MEIKIN: variants seen among roughly 807,000 people sequenced by gnomAD.
The protein encoded by MEIKIN is meiotic kinetochore factor.
rs564938283 is a variant in MEIKIN, at chr5:131,941,189, G to A, written c.349+1446C>T. 1.1e-4 allele frequency among the ~76,000 whole-genome samples: 11 copies of A among 103,360 alleles called. No individual in the cohort carries two copies. In the South Asian group the frequency reaches 2.0e-3, roughly 18 times the overall value. 67.8% of individuals were successfully genotyped at this position (103,360 alleles called of 152,430 possible). On this transcript the variant is annotated intron_variant, in intron 4 of 12. Transcript: ENST00000442687. ...TTTTTTTTTTTTGTGACGAAGTCTC[G>A]CTGTTGTCCCCCAGGCTGGAGTGTA...
At chr5:131,884,183 G>C (rs1000414707) in intron 8 of MEIKIN, among the ~76,000 whole-genome samples, 3 of 152,110 alleles carry the variant, frequency 2.0e-5, no homozygotes, top group Admixed American at 6.5e-5. Context: ...CGGGGAGCGG[G>C]GATGTGACCT....
At chr5:131,814,158 G>T (rs1245768837) in intron 12 of MEIKIN, among the ~76,000 whole-genome samples, 1 of 151,916 alleles carries the variant, frequency 6.6e-6, no homozygotes, top group Non-Finnish European at 1.5e-5. Flanking sequence ...AATCTCCTTT[G>T]GCAATACCCT....
chr5:131,856,698 T>C (rs1369713794), intron 9 of MEIKIN, among the ~76,000 whole-genome samples: 1 of 152,160 alleles, frequency 6.6e-6, no homozygotes, highest in Non-Finnish European at 1.5e-5. Context: ...TTTGACATAA[T>C]TGTCAACTAT....
intron 9 of MEIKIN, among the ~76,000 whole-genome samples, chr5:131,878,669 A>G (rs1580886438): frequency 6.6e-6 from 1 of 152,220 alleles, no homozygotes; most frequent in East Asian, 1.9e-4. Context: ...CATGAGTTTG[A>G]GATGAGCCTG....
At chr5:131,892,202 G>C (rs1750935877) in intron 8 of MEIKIN, among the ~76,000 whole-genome samples, 1 of 152,126 alleles carries the variant, frequency 6.6e-6, no homozygotes, top group South Asian at 2.1e-4. Flanking sequence ...TCTTGGATTT[G>C]CTCTTCTCGA....
chr5:131,885,366 AGAGAGAGAGAGAGAGAGAG>A lies in MEIKIN; in HGVS notation c.704-6337_704-6319del, dbSNP rs1750769955. Among the ~76,000 whole-genome samples, 370 of 69,062 alleles carry A rather than the reference AGAGAGAGAGAGAGAGAGAG, an allele frequency of 5.4e-3. 22 individuals carry two copies. Among genetic ancestry groups the A allele is most frequent in the African/African-American group, 0.013 (290 of 21,924 alleles). 45.3% of individuals were successfully genotyped at this position (69,062 alleles called of 152,430 possible). A position where few individuals can be genotyped will look rare whatever the true frequency, so the allele number is the denominator to read the frequency against. On this transcript the variant is annotated intron_variant, in intron 8 of 12. Coordinates refer to ENST00000442687, the MANE Select transcript of MEIKIN (RefSeq NM_001303622.2). ...AAGAGAGAGAGAGAGAGAGAGAGAG[AGAGAGAGAGAGAGAGAGAG>A]AGAGAGAGAGAGAGAGAGAGAGAGA...
chr5:131,891,407 T>C (rs1257518392), intron 8 of MEIKIN, among the ~76,000 whole-genome samples: 1 of 152,222 alleles, frequency 6.6e-6, no homozygotes, highest in Non-Finnish European at 1.5e-5. Context: ...GCTCCTGTAT[T>C]GGATGCATAT....
intron 11 of MEIKIN, among the ~76,000 whole-genome samples, chr5:131,846,488 A>C (rs1490782296): frequency 6.6e-6 from 1 of 152,254 alleles, no homozygotes; most frequent in Non-Finnish European, 1.5e-5. Flanking sequence ...TATTATTGTA[A>C]CATTGGTTTG....
chr5:131,928,676 G>C (rs1230972259), intron 5 of MEIKIN, among the ~76,000 whole-genome samples: 1 of 151,974 alleles, frequency 6.6e-6, no homozygotes, highest in African/African-American at 2.4e-5. Flanking sequence ...TACTATAACA[G>C]TATTACTGTA....
At chr5:131,848,395 A>T (rs1433397190) in intron 11 of MEIKIN, among the ~76,000 whole-genome samples, 1 of 152,216 alleles carries the variant, frequency 6.6e-6, no homozygotes, top group African/African-American at 2.4e-5. Context: ...TATTATGAAC[A>T]ATTGTATATC....
At chr5:131,828,118 T>C (rs1016663315) in intron 11 of MEIKIN, among the ~76,000 whole-genome samples, 50 of 152,088 alleles carry the variant, frequency 3.3e-4, no homozygotes, top group Non-Finnish European at 1.3e-4. Context: ...AGAGCTCCTA[T>C]ACATTAAAAA....
At chr5:131,861,392 A>C (rs1048904899) in intron 9 of MEIKIN, among the ~76,000 whole-genome samples, 1 of 152,074 alleles carries the variant, frequency 6.6e-6, no homozygotes, top group African/African-American at 2.4e-5. Context: ...TGTCTTCAAA[A>C]AAAAAAGAAT....
At chr5:131,816,134 T>A (rs998740521) in intron 12 of MEIKIN, among the ~76,000 whole-genome samples, 1 of 152,142 alleles carries the variant, frequency 6.6e-6, no homozygotes, top group East Asian at 1.9e-4. Context: ...TGCAGGAGAG[T>A]TGTAGCATGT....
chr5:131,933,426 GA>G, intron 5 of MEIKIN, 86 bp downstream of exon 5: 3 of 386,918 alleles, frequency 7.8e-6, no homozygotes, highest in Non-Finnish European at 1.4e-5. Context: ...ATGCCTTCTC[GA>G]AAGGGACGTT....
chr5:131,930,713 CA>C (rs1362592008), intron 5 of MEIKIN, among the ~76,000 whole-genome samples: 2 of 152,102 alleles, frequency 1.3e-5, no homozygotes, highest in African/African-American at 4.8e-5. Context: ...ACTGTAACAT[CA>C]AACTCCTTGG....
At chr5:131,832,804 C>T (rs181468851) in intron 11 of MEIKIN, among the ~76,000 whole-genome samples, 599 of 152,366 alleles carry the variant, frequency 3.9e-3, no homozygotes, top group Non-Finnish European at 6.6e-3. Context: ...CCAAGCTCTG[C>T]GTTCACCCCT....
At chr5:131,874,619 G>A (rs1343569490) in intron 9 of MEIKIN, among the ~76,000 whole-genome samples, 1 of 152,200 alleles carries the variant, frequency 6.6e-6, no homozygotes, top group Non-Finnish European at 1.5e-5. Context: ...AATAGAAAAA[G>A]AGGGAATCCT....
intron 8 of MEIKIN, among the ~76,000 whole-genome samples, chr5:131,901,136 C>T (rs1751149096): frequency 6.6e-6 from 1 of 152,136 alleles, no homozygotes; most frequent in Non-Finnish European, 1.5e-5. Flanking sequence ...AACAGACCTA[C>T]CCCACACCCT....
At chr5:131,944,576 C>T (rs1751929548) in intron 3 of MEIKIN, 89 bp downstream of exon 3, 1 of 397,944 alleles carries the variant, frequency 2.5e-6, no homozygotes, top group African/African-American at 2.1e-5. Context: ...CAGAACAAAG[C>T]CCATTTTATT....
Sources: gnomAD v4.1 joint callset for allele counts (sites outside exome capture counted in the v4.1 genomes callset) on GRCh38, gnomAD v4.1.1 for gene constraint, MANE v1.5 for transcripts, NCBI Gene and HGNC (gene_info 2026-07-23, HGNC 2026-07-21) for gene names.